Variants in FAM216B observed in about 807,000 individuals in gnomAD.
The protein encoded by FAM216B is family with sequence similarity 216 member B.
FAM216B carries 11 observed loss-of-function variants against 12.9 expected under a neutral mutation model. The observed-to-expected ratio is 0.86, with a 90% confidence interval of 0.54 to 1.42. The LOEUF is 1.42. FAM216B is among the 40% of genes most tolerant of loss of function. The probability of loss-of-function intolerance (pLI) is 0.00; values close to 1 mark genes in which losing one functional copy is unlikely to be tolerated. For synonymous variants in FAM216B, 52 were observed against 57.2 expected, an observed-to-expected ratio of 0.91 and a Z score of 0.41; for missense variants, 167 against 162.9, an observed-to-expected ratio of 1.02 and a Z score of -0.14.
chr13:42,787,454 C>T (rs1330957672), intron 3 of FAM216B, among the ~76,000 whole-genome samples: 1 of 152,198 alleles, frequency 6.6e-6, no homozygotes, highest in Non-Finnish European at 1.5e-5. Context: ...TATACATTTT[C>T]AGCCCCATCC....
chr13:42,783,871 A>G (rs111371642), intron 1 of FAM216B, among the ~76,000 whole-genome samples, 183 bp from the exon 2 acceptor site: 3 of 152,254 alleles, frequency 2.0e-5, no homozygotes, highest in African/African-American at 7.2e-5. Flanking sequence ...GAATAGGAAA[A>G]TGTGTGGAAT....
chr13:42,790,250 C>T lies in FAM216B; in HGVS notation c.*1460C>T, dbSNP rs1352001601. ...GAGGTTGGTGGGAGACCTAACTTGG[C>T]CTATACTAGCCTTCCCATTGTTTTC... On this transcript the variant is annotated 3_prime_UTR_variant, in exon 4 of 4. Transcript: ENST00000313851. The T allele has an allele frequency of 6.6e-6, 1 of 152,104 alleles. No individual in the cohort carries two copies. Among genetic ancestry groups the T allele is most frequent in the Non-Finnish European group, 1.5e-5 (1 of 68,018 alleles). 9.4% of individuals were successfully genotyped at this position (152,104 alleles called of 1,614,324 possible). A position where few individuals can be genotyped will look rare whatever the true frequency, so the allele number is the denominator to read the frequency against.
In FAM216B at chr13:42,790,069, A is replaced by C. The variant is rs1189058506; in HGVS notation, c.*1279A>C. 6.6e-6 allele frequency: 1 copy of C among 152,162 alleles called. No homozygotes were observed. The highest frequency in any genetic ancestry group is 2.4e-5 in the African/African-American group (1 of 41,434). The allele number at this position is 152,162 out of a possible 1,614,324, so 9.4% of individuals were successfully genotyped here. A position where few individuals can be genotyped will look rare whatever the true frequency, so the allele number is the denominator to read the frequency against. ...TGACCTTGCTGGGGTCATTCACTTAATCATAAAGAAGCTTCTTGACCTCTG... is the reference window on the plus strand; with the variant it reads ...TGACCTTGCTGGGGTCATTCACTTACTCATAAAGAAGCTTCTTGACCTCTG... On this transcript the variant is annotated 3_prime_UTR_variant, in exon 4 of 4. Transcript: ENST00000313851.
intron 1 of FAM216B, among the ~76,000 whole-genome samples, chr13:42,783,319 T>C (rs1268835857): frequency 1.3e-5 from 2 of 152,052 alleles, no homozygotes; most frequent in Non-Finnish European, 2.9e-5. Context: ...AAAAAACATA[T>C]AAATAAATAA....
At chr13:42,786,636 T>TA (rs57301416) in intron 2 of FAM216B, 127 bp from the exon 3 acceptor site, 359,297 of 1,040,972 alleles carry the variant, frequency 0.35, 16,657 homozygotes, top group Non-Finnish European at 0.36. Flanking sequence ...TGTTGCACAT[T>TA]AAAAAAAAAA....
intron 2 of FAM216B, among the ~76,000 whole-genome samples, chr13:42,784,436 T>C (rs1020093686): frequency 3.9e-5 from 6 of 151,988 alleles, no homozygotes; most frequent in Admixed American, 3.9e-4. Flanking sequence ...AACTCACTAA[T>C]TGGCCACACT....
At position 42,788,977 on chromosome 13, in the gene FAM216B, G is replaced by T; in HGVS notation, c.*187G>T. 1.9e-6 allele frequency: 1 copy of T among 513,100 alleles called. No homozygotes were observed. The highest frequency in any genetic ancestry group is 3.3e-5 in the South Asian group (1 of 30,112). The allele number at this position is 513,100 out of a possible 1,614,324, so 31.8% of individuals were successfully genotyped here. ...AGGTTTAAGAGCAATGGAGCCGAGA[G>T]TAAGCAAGCCTTTCCACATAACATC... is the stretch of plus-strand genomic sequence containing the variant. On this transcript the variant is annotated 3_prime_UTR_variant, in exon 4 of 4. Transcript: ENST00000313851.
chr13:42,782,230 T>C (rs1186825817), intron 1 of FAM216B, among the ~76,000 whole-genome samples: 2 of 152,252 alleles, frequency 1.3e-5, no homozygotes, highest in African/African-American at 4.8e-5. Flanking sequence ...CTTAAGCATG[T>C]GTATGTTTAT....
In FAM216B at chr13:42,783,237, G is replaced by T. The variant is rs576171031; in HGVS notation, c.-14-817G>T. 1.1e-4 allele frequency among the ~76,000 whole-genome samples: 17 copies of T among 152,324 alleles called. No individual in the cohort carries two copies. In the East Asian group the frequency reaches 3.3e-3, roughly 29 times the overall value. ...GTGGGAGGATGGCTTGAGCCCAGGA[G>T]TTCAAGACTGCGGTGAGCTATAGTC... On this transcript the variant is annotated intron_variant, in intron 1 of 3. Coordinates refer to ENST00000313851, the MANE Select transcript of FAM216B (RefSeq NM_001318932.2).
chr13:42,787,347 A>G (rs1267363958), intron 3 of FAM216B, among the ~76,000 whole-genome samples: 1 of 152,252 alleles, frequency 6.6e-6, no homozygotes, highest in African/African-American at 2.4e-5. Flanking sequence ...GGCTGTAGAA[A>G]ATGGAAGCTC....
At position 42,788,844 on chromosome 13, in the gene FAM216B, A is replaced by G; in HGVS notation, c.*54A>G. 1 of 1,506,800 alleles carries G rather than the reference A, an allele frequency of 6.6e-7. No homozygotes were observed. The highest frequency in any genetic ancestry group is 9.0e-7 in the Non-Finnish European group (1 of 1,106,136). The allele number at this position is 1,506,800 out of a possible 1,614,324, so 93.3% of individuals were successfully genotyped here. A position where few individuals can be genotyped will look rare whatever the true frequency, so the allele number is the denominator to read the frequency against. ...GTTTGCCCATGTATCCCTGGTATCTAGTGGGTGCTTTGTGCATATTTGTTG... is the reference window on the plus strand; with the variant it reads ...GTTTGCCCATGTATCCCTGGTATCTGGTGGGTGCTTTGTGCATATTTGTTG... On this transcript the variant is annotated 3_prime_UTR_variant, in exon 4 of 4. Transcript: ENST00000313851.
At chr13:42,786,654 G>T in intron 2 of FAM216B, 109 bp from the exon 3 acceptor site, 5 of 1,271,030 alleles carry the variant, frequency 3.9e-6, no homozygotes, top group Non-Finnish European at 4.2e-6. Context: ...AAAAACATAT[G>T]GTTAGCAAGA....
chr13:42,783,439 AT>A (rs920095275), intron 1 of FAM216B, among the ~76,000 whole-genome samples: 378 of 147,794 alleles, frequency 2.6e-3, no homozygotes, highest in African/African-American at 3.8e-3. Flanking sequence ...TGAATTCCAG[AT>A]TTTTTTTTTT....
chr13:42,784,087 G>A lies in FAM216B; in HGVS notation c.20G>A (p.Arg7Lys), dbSNP rs531732949. Residue 7 changes from arginine to lysine, a missense_variant, in exon 2 of 4, where the codon AGA (arginine) becomes AAA (lysine). Coordinates refer to ENST00000313851, the MANE Select transcript of FAM216B (RefSeq NM_001318932.2). The part of the protein sequence containing the change: MGQNWK[R>K]QQKLWNVPQL... ...TAAACGATGGGACAAAACTGGAAAA[G>A]ACAACAAAAGCTTTGGAATGTTCCA... 3.2e-6 allele frequency: 5 copies of A among 1,581,536 alleles called. No homozygotes were observed. The South Asian group carries it at 5.6e-5, about 18-fold the overall frequency.
chr13:42,784,193 T>TC lies in FAM216B; in HGVS notation c.99+28dup, dbSNP rs1555249503. ...TATGGCTTTTTTTTTTTTTTTTTTT[T>TC]CACAGATAGAGTGACCTGTCTGTCT... is the stretch of plus-strand genomic sequence containing the variant. On this transcript the variant is annotated intron_variant, in intron 2 of 3. Coordinates refer to ENST00000313851, the MANE Select transcript of FAM216B (RefSeq NM_001318932.2). The TC allele has an allele frequency of 2.3e-4, 326 of 1,416,652 alleles. 2 individuals carry two copies. In the East Asian group the frequency reaches 7.0e-3, roughly 30 times the overall value. 87.8% of individuals were successfully genotyped at this position (1,416,652 alleles called of 1,614,324 possible).
rs1874112465 is a variant in FAM216B, at chr13:42,786,851, A to G, written c.188A>G (p.Tyr63Cys). Reference sequence around the variant, plus strand: ...CAGTGGGAGGCCCTGCAGACCCGCTACATTCACAGCCTTCAGCACCAACAG... The same window carrying G: ...CAGTGGGAGGCCCTGCAGACCCGCTGCATTCACAGCCTTCAGCACCAACAG... ...RPQWEALQTR[Y>C]IHSLQHQQLL... The change falls in exon 3 of 4, where the codon TAC (tyrosine) becomes TGC (cysteine). Residue 63 changes from tyrosine to cysteine, a missense_variant. By Grantham distance (194) the Tyr-to-Cys change is radical (BLOSUM62 -2). Transcript: ENST00000313851. The G allele has an allele frequency of 1.2e-6, 2 of 1,614,054 alleles. No individual in the cohort carries two copies. Among genetic ancestry groups the G allele is most frequent in the African/African-American group, 1.3e-5 (1 of 75,042 alleles).
chr13:42,784,661 CAAAAAAA>C (rs61276354), intron 2 of FAM216B, among the ~76,000 whole-genome samples: 11 of 94,772 alleles, frequency 1.2e-4, no homozygotes, highest in Admixed American at 4.0e-4. Flanking sequence ...ACTAAAAATA[CAAAAAAA>C]AAAAAAAAAA....
intron 1 of FAM216B, among the ~76,000 whole-genome samples, chr13:42,782,959 G>A (rs915472503): frequency 2.6e-5 from 4 of 151,790 alleles, no homozygotes; most frequent in African/African-American, 9.7e-5. Context: ...TATAAATTAT[G>A]ATCTCCCTTT....
intron 1 of FAM216B, among the ~76,000 whole-genome samples, chr13:42,781,944 G>A (rs553481639): frequency 6.0e-4 from 92 of 152,306 alleles, no homozygotes; most frequent in African/African-American, 2.1e-3. Context: ...GAAAATGGGA[G>A]GAGGGATATT....
Sources: allele counts gnomAD v4.1 joint callset (sites outside exome capture counted in the v4.1 genomes callset), GRCh38; gene constraint gnomAD v4.1.1; transcripts MANE v1.5; gene names NCBI Gene and HGNC (gene_info 2026-07-23, HGNC 2026-07-21).